SPAG17: variants seen among roughly 807,000 people sequenced by gnomAD.
SPAG17 encodes sperm-associated antigen 17.
SPAG17 carries 169 observed loss-of-function variants against 273.6 expected under a neutral mutation model. The ratio of observed to expected loss-of-function variants is 0.62; its 90% CI spans 0.55 to 0.70. SPAG17 has a LOEUF of 0.70. Among genes scored for constraint, SPAG17 ranks in the 30% least tolerant of loss-of-function variants. The pLI, the probability that SPAG17 is intolerant of heterozygous loss-of-function variation, is 0.00. For synonymous variants in SPAG17, 825 were observed against 873.2 expected, an observed-to-expected ratio of 0.94 and a Z score of 0.97; for missense variants, 2,557 against 2,627.8, an observed-to-expected ratio of 0.97 and a Z score of 0.59.
chr1:117,982,638 A>T (rs1337267999), intron 42 of SPAG17, among the ~76,000 whole-genome samples: 1 of 152,186 alleles, frequency 6.6e-6, no homozygotes, highest in Non-Finnish European at 1.5e-5. Context: ...GAGAATGAAG[A>T]CATTCTCCTA....
intron 1 of SPAG17, among the ~76,000 whole-genome samples, chr1:118,184,218 T>A (rs184804210): frequency 0.079 from 11,877 of 151,286 alleles, 582 homozygotes; most frequent in East Asian, 0.27. Flanking sequence ...GAAAAAAAAA[T>A]TTTTTTTCCC....
chr1:118,016,251 ATGTTT>A, intron 28 of SPAG17, 69 bp from the exon 29 acceptor site: 1 of 1,244,452 alleles, frequency 8.0e-7, no homozygotes, highest in Non-Finnish European at 1.2e-6. Flanking sequence ...ATCATTCACT[ATGTTT>A]TGACACAGTA....
chr1:117,959,607 C>A, intron 48 of SPAG17: 3 of 693,096 alleles, frequency 4.3e-6, no homozygotes, highest in South Asian at 3.1e-5. Flanking sequence ...GAGGGAATTC[C>A]AACATGAGAT....
At position 117,973,548 on chromosome 1, in the gene SPAG17, A is replaced by AT. The variant is rs1356135139; in HGVS notation, c.6017dup (p.Tyr2006Ter). 3.7e-6 allele frequency: 6 copies of AT among 1,613,808 alleles called. No individual in the cohort carries two copies. The highest frequency in any genetic ancestry group is 3.3e-5 in the Admixed American group (2 of 60,006). The change falls in exon 44 of 49, where the codon TAT becomes TAAT. Residue 2006 changes from tyrosine to a stop codon, truncating the protein, a stop_gained and frameshift_variant. Coordinates refer to ENST00000336338, the MANE Select transcript of SPAG17 (RefSeq NM_206996.4). LOFTEE classifies it high-confidence loss of function. ...LTKSPEEAES[Y>*]EPVKIPTQSL... ...ACTGGGTTGGAATTTTCACGGGCTC[A>AT]TAAGATTCTGCTTCTGTTAGAGAGA...
rs867975398 is a variant in SPAG17, at chr1:118,184,930, C to T, written c.87+141G>A. 5 of 718,194 alleles carry T rather than the reference C, an allele frequency of 7.0e-6. No homozygotes were observed. In the East Asian group the frequency reaches 1.3e-4, roughly 18 times the overall value. The allele number at this position is 718,194 out of a possible 1,614,324, so 44.5% of individuals were successfully genotyped here. On this transcript the variant is annotated intron_variant, in intron 1 of 48. Coordinates refer to ENST00000336338, the MANE Select transcript of SPAG17 (RefSeq NM_206996.4). The stretch of plus-strand genomic sequence containing the variant: ...GTTCGTTTATCAAGCACTTCCTGTC[C>T]CTGGGACCCTGGGTCCTGGAACCAT...
intron 3 of SPAG17, among the ~76,000 whole-genome samples, chr1:118,148,248 C>T (rs891844082): frequency 2.6e-5 from 4 of 152,168 alleles, no homozygotes; most frequent in Admixed American, 2.0e-4. Context: ...CAGTGGGTTC[C>T]TCGTCTCACT....
At chr1:118,119,175 A>G (rs1390617737) in intron 3 of SPAG17, among the ~76,000 whole-genome samples, 4 of 152,222 alleles carry the variant, frequency 2.6e-5, no homozygotes, top group East Asian at 3.8e-4. Context: ...ATGTGCATAT[A>G]TAAGATAGAG....
rs537252320 is a variant in SPAG17 at position 118,040,525 on chromosome 1, C to G, written c.3166+205G>C. Among the ~76,000 whole-genome samples the G allele has an allele frequency of 3.3e-5, 5 of 152,268 alleles. No individual in the cohort carries two copies. The South Asian group carries it at 8.3e-4, about 25-fold the overall frequency. ...GAATGGTCATATTAGCATGTACCAG[C>G]TAAACCCTTGACTGGCCTATGCCTT... On this transcript the variant is annotated intron_variant, in intron 22 of 48. Transcript: ENST00000336338.
Position 118,005,551 on chromosome 1 carries a change from C to T in SPAG17, c.4639G>A (p.Val1547Met). ...SLYIDKDCSA[V>M]YCHESSSNIY... ...TTACTGCTTGACTCATGGCAGTACA[C>T]AGCTGAACAATCCTTGTCAATATAA... The change falls in exon 32 of 49, where the codon GTG becomes ATG. Residue 1547 changes from valine to methionine, a missense_variant. Physicochemically the swap from Val to Met is conservative, Grantham distance 21 (BLOSUM62 1). Transcript: ENST00000336338. The T allele has an allele frequency of 6.2e-7, 1 of 1,600,676 alleles. No homozygotes were observed. Among genetic ancestry groups the T allele is most frequent in the South Asian group, 1.1e-5 (1 of 87,360 alleles).
chr1:118,102,877 T>A (rs1570698160), intron 4 of SPAG17, among the ~76,000 whole-genome samples: 2 of 152,210 alleles, frequency 1.3e-5, no homozygotes, highest in South Asian at 4.1e-4. Context: ...CACTACTCCA[T>A]GTGGCTTCTG....
chr1:118,011,798 C>A (rs1382249489), intron 30 of SPAG17, among the ~76,000 whole-genome samples: 1 of 151,884 alleles, frequency 6.6e-6, no homozygotes, highest in Non-Finnish European at 1.5e-5. Flanking sequence ...GTTGGAGAAA[C>A]TTTTGGCTGC....
chr1:118,177,243 A>C (rs1239432251), intron 1 of SPAG17, among the ~76,000 whole-genome samples: 1 of 152,192 alleles, frequency 6.6e-6, no homozygotes, highest in East Asian at 1.9e-4. Flanking sequence ...GAAAACTTAC[A>C]ATCATGGTGG....
chr1:118,012,454 G>T, intron 29 of SPAG17, 82 bp from the exon 30 acceptor site: 6 of 1,455,852 alleles, frequency 4.1e-6, no homozygotes, highest in Non-Finnish European at 5.6e-6. Context: ...TGAATACGAA[G>T]ATGGCACCAT....
intron 48 of SPAG17, chr1:117,959,042 T>C: frequency 6.3e-7 from 1 of 1,582,246 alleles, no homozygotes; most frequent in Non-Finnish European, 8.7e-7. Context: ...ATGAGGCAAA[T>C]TCCTAGTGTG....
intron 3 of SPAG17, among the ~76,000 whole-genome samples, chr1:118,118,505 C>T (rs1251376597): frequency 6.6e-6 from 1 of 152,100 alleles, no homozygotes; most frequent in Non-Finnish European, 1.5e-5. Flanking sequence ...AGCCAAAATG[C>T]CAAGTAAATG....
intron 3 of SPAG17, among the ~76,000 whole-genome samples, chr1:118,122,696 G>A (rs941193462): frequency 6.6e-6 from 1 of 152,212 alleles, no homozygotes; most frequent in Non-Finnish European, 1.5e-5. Context: ...AAGAGAATAT[G>A]AGTAGTGCTG....
intron 1 of SPAG17, among the ~76,000 whole-genome samples, chr1:118,180,369 T>A (rs1225011602): frequency 6.6e-6 from 1 of 152,036 alleles, no homozygotes; most frequent in Non-Finnish European, 1.5e-5. Flanking sequence ...ATGTTCTCAC[T>A]CTTATGTAGG....
chr1:118,041,222 A>AT (rs767224682), intron 21 of SPAG17, among the ~76,000 whole-genome samples: 1 of 152,116 alleles, frequency 6.6e-6, no homozygotes. Context: ...TGTAGAAGAC[A>AT]TTTTTTACTG....
chr1:118,141,725 G>C (rs1023205640), intron 3 of SPAG17, among the ~76,000 whole-genome samples: 1 of 152,166 alleles, frequency 6.6e-6, no homozygotes, highest in Non-Finnish European at 1.5e-5. Flanking sequence ...TTCACGTGAA[G>C]ATTTAATAAG....
Sources: gnomAD v4.1 joint callset for allele counts (sites outside exome capture counted in the v4.1 genomes callset) on GRCh38, gnomAD v4.1.1 for gene constraint, MANE v1.5 for transcripts, NCBI Gene and HGNC (gene_info 2026-07-23, HGNC 2026-07-21) for gene names.